Variants in PCDHA3 observed in about 807,000 individuals in gnomAD.
The protein encoded by PCDHA3 is protocadherin alpha 3.
A neutral mutation model predicts 62.2 loss-of-function variants in PCDHA3; 41 were observed. That is an observed-to-expected ratio of 0.66 (90% CI 0.51 to 0.86). PCDHA3 has a LOEUF of 0.86. Among genes scored for constraint, PCDHA3 ranks in the 40% least tolerant of loss-of-function variants. The probability of loss-of-function intolerance (pLI) is 0.00; values close to 1 mark genes in which losing one functional copy is unlikely to be tolerated. For synonymous variants in PCDHA3, 640 were observed against 555.4 expected (o/e 1.15, Z -2.14); for missense variants, 1,304 against 1,241.2 (o/e 1.05, Z -0.76).
rs1221925609 is a variant in PCDHA3, at chr5:140,850,980, T to C, written c.2394+47389T>C. The C allele has an allele frequency of 2.1e-6, 3 of 1,453,332 alleles. 1 individual carries two copies. The highest frequency in any genetic ancestry group is 1.4e-5 in the African/African-American group (1 of 69,706). 90.0% of individuals were successfully genotyped at this position (1,453,332 alleles called of 1,614,324 possible). A position where few individuals can be genotyped will look rare whatever the true frequency, so the allele number is the denominator to read the frequency against. On this transcript the variant is annotated intron_variant, in intron 1 of 3. Coordinates refer to ENST00000522353, the MANE Select transcript of PCDHA3 (RefSeq NM_018906.3). ...CCCAGGGGCCGTTCAAATAGTTTTATTCATTTTTCTAGAAATCCAGCAGAT... is the reference window on the plus strand; with the variant it reads ...CCCAGGGGCCGTTCAAATAGTTTTACTCATTTTTCTAGAAATCCAGCAGAT...
At position 140,856,153 on chromosome 5, in the gene PCDHA3, C is replaced by G. The variant is rs1554148270; in HGVS notation, c.2394+52562C>G. 8 of 1,598,310 alleles carry G rather than the reference C, an allele frequency of 5.0e-6. 1 individual carries two copies. Among genetic ancestry groups the G allele is most frequent in the Non-Finnish European group, 6.9e-6 (8 of 1,167,862 alleles). On this transcript the variant is annotated intron_variant, in intron 1 of 3. Transcript: ENST00000522353. The stretch of plus-strand genomic sequence containing the variant: ...GCGGCCAGCTCCACTACTCAGTCTA[C>G]GAGGAGGCCAGACACGGCACCTTCG...
chr5:140,835,899 A>G (rs1554135420), intron 1 of PCDHA3: 1 of 1,612,086 alleles, frequency 6.2e-7, no homozygotes, highest in Non-Finnish European at 8.5e-7. Context: ...CGCGCTGTCG[A>G]GCTACGTGTC....
chr5:140,877,419 G>A (rs1554169722), intron 1 of PCDHA3: 1 of 1,613,922 alleles, frequency 6.2e-7, no homozygotes, highest in Non-Finnish European at 8.5e-7. Context: ...GCCTGCTGGT[G>A]CTGGTGAAGG....
chr5:140,877,511 C>T (rs1582389090), intron 1 of PCDHA3: 2 of 1,613,808 alleles, frequency 1.2e-6, no homozygotes, highest in Non-Finnish European at 1.7e-6. Context: ...AAGACGTCGT[C>T]GCGGGCCTCA....
chr5:140,850,556 G>A (rs1554144496), intron 1 of PCDHA3: 1 of 1,598,290 alleles, frequency 6.3e-7, no homozygotes. Flanking sequence ...TGGGTGCCAC[G>A]GGCCCCGAGG....
intron 1 of PCDHA3, chr5:140,808,730 G>A (rs1554124735): frequency 4.3e-6 from 7 of 1,612,050 alleles, no homozygotes; most frequent in Non-Finnish European, 5.9e-6. Flanking sequence ...TGCGGAGAGC[G>A]GCAAGGTGTA....
At position 140,848,698 on chromosome 5, in the gene PCDHA3, C is replaced by T. The variant is rs17844321; in HGVS notation, c.2394+45107C>T. On this transcript the variant is annotated intron_variant, in intron 1 of 3. Coordinates refer to ENST00000522353, the MANE Select transcript of PCDHA3 (RefSeq NM_018906.3). The stretch of plus-strand genomic sequence containing the variant: ...GTGCCGCGCCTGTTCCAGTTGGATT[C>T]CAAAGGCCGCGGGGACCTTCTGGAG... 1,049 of 1,592,348 alleles carry T rather than the reference C, an allele frequency of 6.6e-4. 38 individuals are homozygous for T. The East Asian group carries it at 0.022, about 33-fold the overall frequency.
At chr5:140,916,464 G>T (rs2077577403) in intron 1 of PCDHA3, among the ~76,000 whole-genome samples, 1 of 152,206 alleles carries the variant, frequency 6.6e-6, no homozygotes, top group Non-Finnish European at 1.5e-5. Context: ...ATCACTGCTG[G>T]TTATTTGGTG....
intron 1 of PCDHA3, among the ~76,000 whole-genome samples, chr5:140,973,636 T>C (rs535388717): frequency 6.6e-6 from 1 of 152,234 alleles, no homozygotes; most frequent in Non-Finnish European, 1.5e-5. Flanking sequence ...CTTGTACACA[T>C]TCTGACTGAA....
intron 1 of PCDHA3, among the ~76,000 whole-genome samples, chr5:140,954,068 G>A (rs1404063517): frequency 6.6e-6 from 1 of 152,174 alleles, no homozygotes; most frequent in South Asian, 2.1e-4. Context: ...TTATGCTGAG[G>A]ATAATGGCTT....
At chr5:140,926,409 C>G (rs1426750263) in intron 1 of PCDHA3, 3 of 152,670 alleles carry the variant, frequency 2.0e-5, no homozygotes, top group Admixed American at 6.5e-5. Context: ...CAGCAATCTG[C>G]GGGCAGAGGA....
At chr5:140,877,280 A>G (rs782014601) in intron 1 of PCDHA3, 14 of 1,613,734 alleles carry the variant, frequency 8.7e-6, no homozygotes, top group Non-Finnish European at 1.2e-5. Context: ...GACTCCGGCT[A>G]TAACGCTTGG....
chr5:140,913,781 A>G (rs1554196050), intron 1 of PCDHA3, among the ~76,000 whole-genome samples: 2 of 151,976 alleles, frequency 1.3e-5, no homozygotes, highest in African/African-American at 4.8e-5. Flanking sequence ...TTGTGTTTCC[A>G]TTATCATTTG....
intron 3 of PCDHA3, among the ~76,000 whole-genome samples, chr5:140,999,772 T>A (rs1186405321): frequency 6.6e-6 from 1 of 152,182 alleles, no homozygotes; most frequent in Non-Finnish European, 1.5e-5. Flanking sequence ...CTTTATACTC[T>A]TAACCTAGAA....
At chr5:140,910,959 A>C (rs1188143214) in intron 1 of PCDHA3, among the ~76,000 whole-genome samples, 1 of 151,944 alleles carries the variant, frequency 6.6e-6, no homozygotes, top group African/African-American at 2.4e-5. Flanking sequence ...CGAGTGTAGC[A>C]CACCTCCTCA....
At chr5:140,850,300 G>T in intron 1 of PCDHA3, 2 of 1,596,680 alleles carry the variant, frequency 1.3e-6, no homozygotes, top group Non-Finnish European at 1.7e-6. Context: ...GCCGACTCGG[G>T]CTACAACGCG....
intron 1 of PCDHA3, among the ~76,000 whole-genome samples, chr5:140,897,105 C>T (rs981189512): frequency 3.3e-5 from 5 of 152,062 alleles, no homozygotes; most frequent in South Asian, 2.1e-4. Flanking sequence ...TAAAAATCTC[C>T]ACTTTCTGTC....
At chr5:140,912,494 A>T (rs536513157) in intron 1 of PCDHA3, among the ~76,000 whole-genome samples, 1 of 152,190 alleles carries the variant, frequency 6.6e-6, no homozygotes, top group South Asian at 2.1e-4. Context: ...CAGATCTAGG[A>T]GCTTTTTGGA....
chr5:140,836,864 T>C (rs1774785013), intron 1 of PCDHA3: 1 of 755,194 alleles, frequency 1.3e-6, no homozygotes, highest in Non-Finnish European at 2.1e-6. Context: ...TTTTTAATGT[T>C]ATGCTGTATT....
Sources: allele counts gnomAD v4.1 joint callset (sites outside exome capture counted in the v4.1 genomes callset), GRCh38; gene constraint gnomAD v4.1.1; transcripts MANE v1.5; gene names NCBI Gene and HGNC (gene_info 2026-07-23, HGNC 2026-07-21).